ZFYVE28: variants seen among roughly 807,000 people sequenced by gnomAD.
ZFYVE28 encodes lateral signaling target protein 2 homolog.
Under a neutral mutation model 82.1 loss-of-function variants are expected in ZFYVE28, and 40 were observed. That is an observed-to-expected ratio of 0.49 (90% CI 0.38 to 0.63). The LOEUF (loss-of-function observed/expected upper bound fraction) is 0.63, where lower values mean the gene tolerates loss of function less well. Ranked by LOEUF, ZFYVE28 falls within the 30% of genes least tolerant of loss-of-function variation. The probability of loss-of-function intolerance (pLI) is 0.00; values close to 1 mark genes in which losing one functional copy is unlikely to be tolerated. For synonymous variants in ZFYVE28, 612 were observed against 546.1 expected, an observed-to-expected ratio of 1.12 and a Z score of -1.68; for missense variants, 1,321 against 1,242.1, an observed-to-expected ratio of 1.06 and a Z score of -0.96.
chr4:2,280,654 G>T (rs915995742), intron 8 of ZFYVE28, among the ~76,000 whole-genome samples: 1 of 152,230 alleles, frequency 6.6e-6, no homozygotes, highest in Non-Finnish European at 1.5e-5. Context: ...ATTTTCTAAA[G>T]TCTCATCGCG....
intron 1 of ZFYVE28, among the ~76,000 whole-genome samples, chr4:2,410,484 CTTTA>C (rs1732410016): frequency 2.1e-5 from 2 of 93,610 alleles, no homozygotes; most frequent in African/African-American, 4.0e-5. Flanking sequence ...ATTTTTTTAA[CTTTA>C]TTTATTTATT....
chr4:2,383,136 GT>G (rs1415182885), intron 1 of ZFYVE28, among the ~76,000 whole-genome samples: 5 of 152,168 alleles, frequency 3.3e-5, no homozygotes, highest in Non-Finnish European at 7.3e-5. Context: ...GTTTTGAAAT[GT>G]GAGGACATGA....
chr4:2,346,159 T>C (rs1723524295), intron 2 of ZFYVE28, among the ~76,000 whole-genome samples: 1 of 109,380 alleles, frequency 9.1e-6, no homozygotes, highest in Non-Finnish European at 1.8e-5. Flanking sequence ...AAACCCCGTC[T>C]CTACTAAAAA....
chr4:2,304,268 C>T, intron 8 of ZFYVE28, 21 bp downstream of exon 8: 2 of 1,539,030 alleles, frequency 1.3e-6, no homozygotes, highest in Non-Finnish European at 1.7e-6. Context: ...AACCCAGTCT[C>T]TGGGCCAGAC....
chr4:2,373,443 G>A (rs771941663), intron 1 of ZFYVE28, among the ~76,000 whole-genome samples: 13 of 152,152 alleles, frequency 8.5e-5, no homozygotes, highest in South Asian at 4.1e-4. Flanking sequence ...AGGCAACATT[G>A]AGCCATGATC....
chr4:2,408,014 T>G lies in ZFYVE28; in HGVS notation c.39+10271A>C, dbSNP rs1732108577. Among the ~76,000 whole-genome samples the G allele has an allele frequency of 6.6e-6, 1 of 152,182 alleles. No individual in the cohort carries two copies. The highest frequency in any genetic ancestry group is 6.5e-5 in the Admixed American group (1 of 15,288). ...TACTATGAACTCCACTTCAGAGGTG[T>G]GGCAGGAGGGCTCCTCCAGAACACC... is the stretch of plus-strand genomic sequence containing the variant. On this transcript the variant is annotated intron_variant, in intron 1 of 12. Coordinates refer to ENST00000290974, the MANE Select transcript of ZFYVE28 (RefSeq NM_020972.3). This position sits in a 1 kb window ranked among gnomAD's most constrained non-coding sequence, Gnocchi z 4.3.
At chr4:2,352,156 A>G (rs966647251) in intron 2 of ZFYVE28, among the ~76,000 whole-genome samples, 5 of 152,160 alleles carry the variant, frequency 3.3e-5, no homozygotes, top group Admixed American at 3.3e-4. Context: ...GTGCAGTTCA[A>G]ACCATGTTGT....
rs1560269865 is a variant in ZFYVE28 at position 2,355,240 on chromosome 4, AT to A, written c.40-1168del. ...TATATATATATATATATATATATAT[AT>A]ATATATATATATATATATATATATA... On this transcript the variant is annotated intron_variant, in intron 1 of 12. Coordinates refer to ENST00000290974, the MANE Select transcript of ZFYVE28 (RefSeq NM_020972.3). 9.1e-3 allele frequency among the ~76,000 whole-genome samples: 220 copies of A among 24,120 alleles called. 38 individuals are homozygous for A. The highest frequency in any genetic ancestry group is 0.033 in the African/African-American group (195 of 5,822). The allele number at this position is 24,120 out of a possible 152,430, so 15.8% of individuals were successfully genotyped here.
chr4:2,315,460 G>T (rs1461073943), intron 7 of ZFYVE28, among the ~76,000 whole-genome samples: 1 of 151,860 alleles, frequency 6.6e-6, no homozygotes, highest in African/African-American at 2.4e-5. Context: ...TTTTAGTAGA[G>T]ACGAGGTTTC....
At chr4:2,401,543 A>G (rs1894430) in intron 1 of ZFYVE28, among the ~76,000 whole-genome samples, 128,689 of 151,504 alleles carry the variant, frequency 0.85, 54,779 homozygotes, top group Admixed American at 0.9. Flanking sequence ...GCCCCACCCC[A>G]GGCCCTCCCC....
rs747094155 is a variant in ZFYVE28 at position 2,271,702 on chromosome 4, C to G, written c.2401G>C (p.Ala801Pro). ...QETLSSSELA[A>P]KTRDGDFEDP... ...TCAAAGTCCCCATCGCGGGTCTTGG[C>G]TGCCAGTTCAGAGGATGACAGGGTC... The change falls in exon 11 of 13, where the codon GCC (alanine) becomes CCC (proline). Residue 801 changes from alanine (A) to proline (P), a missense_variant. By Grantham distance (27) the Ala-to-Pro change is conservative (BLOSUM62 -1). This residue lies in a region of ZFYVE28 where 978 missense variants were observed against 833.7 expected (regional missense o/e 1.17). Transcript: ENST00000290974. 1 of 1,613,972 alleles carries G rather than the reference C, an allele frequency of 6.2e-7. No homozygotes were observed. The highest frequency in any genetic ancestry group is 2.2e-5 in the East Asian group (1 of 44,888).
At chr4:2,411,433 T>G (rs1430313550) in intron 1 of ZFYVE28, among the ~76,000 whole-genome samples, 1 of 152,258 alleles carries the variant, frequency 6.6e-6, no homozygotes, top group Non-Finnish European at 1.5e-5. Flanking sequence ...TCCATTCACT[T>G]TTGTCTTCCT....
chr4:2,388,136 C>T (rs3135094), intron 1 of ZFYVE28, among the ~76,000 whole-genome samples: 78,687 of 152,042 alleles, frequency 0.52, 21,423 homozygotes, highest in Admixed American at 0.65. Context: ...CCCCCCAGTC[C>T]CCGTGCGAAC....
intron 7 of ZFYVE28, among the ~76,000 whole-genome samples, chr4:2,310,382 T>G (rs3118622): frequency 0.8 from 121,388 of 151,884 alleles, 49,316 homozygotes; most frequent in African/African-American, 0.93. Context: ...ATATGGTTGA[T>G]TTTCATTTGT....
At chr4:2,360,450 C>T (rs1385268769) in intron 1 of ZFYVE28, among the ~76,000 whole-genome samples, 1 of 151,490 alleles carries the variant, frequency 6.6e-6, no homozygotes, top group Non-Finnish European at 1.5e-5. Context: ...CACACAGAAA[C>T]CCCGTGCTAT....
intron 1 of ZFYVE28, among the ~76,000 whole-genome samples, chr4:2,390,612 A>T (rs1215977937): frequency 6.6e-6 from 1 of 152,232 alleles, no homozygotes; most frequent in South Asian, 2.1e-4. Context: ...TACTTGTATA[A>T]ATTATACATA....
chr4:2,412,393 TGA>T (rs1288648180), intron 1 of ZFYVE28, among the ~76,000 whole-genome samples: 2 of 152,170 alleles, frequency 1.3e-5, no homozygotes, highest in Non-Finnish European at 2.9e-5. Context: ...GCTGTTACTG[TGA>T]GTCTTGGACA....
At chr4:2,373,006 G>A (rs1050237296) in intron 1 of ZFYVE28, among the ~76,000 whole-genome samples, 8 of 152,048 alleles carry the variant, frequency 5.3e-5, no homozygotes, top group Non-Finnish European at 1.2e-4. Flanking sequence ...CCCTATGCCT[G>A]AGCCAGCCTC....
At chr4:2,368,217 A>AAAAAC (rs1727105844) in intron 1 of ZFYVE28, among the ~76,000 whole-genome samples, 3 of 145,350 alleles carry the variant, frequency 2.1e-5, no homozygotes, top group Non-Finnish European at 4.6e-5. Context: ...TCTACAAAAA[A>AAAAAC]AAAAAAAAAA....
Sources: allele counts gnomAD v4.1 joint callset (sites outside exome capture counted in the v4.1 genomes callset), GRCh38; gene constraint gnomAD v4.1.1; regional missense constraint gnomAD v4.1.1; non-coding constraint Gnocchi (gnomAD v3.1); transcripts MANE v1.5; gene names NCBI Gene and HGNC (gene_info 2026-07-23, HGNC 2026-07-21).